CNIH3: variants seen among roughly 807,000 people sequenced by gnomAD.
CNIH3 encodes the protein protein cornichon homolog 3.
In CNIH3, 14 loss-of-function variants were observed where a neutral mutation model predicts 24.1. The ratio of observed to expected loss-of-function variants is 0.58; its 90% CI spans 0.38 to 0.91. CNIH3 has a LOEUF of 0.91. Among genes scored for constraint, CNIH3 ranks in the 40% least tolerant of loss-of-function variants. The pLI is 0.00. For synonymous variants in CNIH3, 68 were observed against 73.8 expected, an observed-to-expected ratio of 0.92 and a Z score of 0.40; for missense variants, 178 against 196.8, an observed-to-expected ratio of 0.90 and a Z score of 0.57.
chr1:224,545,086 G>T (rs1352879928), intron 2 of CNIH3, among the ~76,000 whole-genome samples: 2 of 152,196 alleles, frequency 1.3e-5, no homozygotes, highest in African/African-American at 4.8e-5. Context: ...AAAGCCATTG[G>T]CACTTTCTTC....
At chr1:224,472,558 T>C (rs950578226) in intron 1 of CNIH3, among the ~76,000 whole-genome samples, 3 of 152,168 alleles carry the variant, frequency 2.0e-5, no homozygotes, top group African/African-American at 4.8e-5. Flanking sequence ...ACATTATATA[T>C]TCTTACTAAT....
chr1:224,643,677 G>A (rs935490484), intron 1 of CNIH3, among the ~76,000 whole-genome samples: 1 of 152,146 alleles, frequency 6.6e-6, no homozygotes, highest in Non-Finnish European at 1.5e-5. Context: ...GAGAATAATG[G>A]GATTTATTGG....
At chr1:224,434,746 C>G in exon 1 of CNIH3, 1 of 987,012 alleles carries the variant, frequency 1.0e-6, no homozygotes, top group Non-Finnish European at 1.2e-6. Flanking sequence ...TCCTCGGATC[C>G]GCTCCGCTCT....
intron 1 of CNIH3, among the ~76,000 whole-genome samples, chr1:224,477,337 A>G (rs1314304808): frequency 1.3e-5 from 2 of 152,256 alleles, no homozygotes; most frequent in East Asian, 3.8e-4. Flanking sequence ...CGTATCCACC[A>G]TCTTAATCTC....
chr1:224,613,079 C>T (rs1682774617), upstream of CNIH3, among the ~76,000 whole-genome samples: 1 of 152,188 alleles, frequency 6.6e-6, no homozygotes, highest in Non-Finnish European at 1.5e-5. Context: ...GCTCACTGTG[C>T]CTTGACCTCT....
At chr1:224,581,330 TA>T (rs1178322339) in intron 4 of CNIH3, among the ~76,000 whole-genome samples, 2 of 152,140 alleles carry the variant, frequency 1.3e-5, no homozygotes, top group Non-Finnish European at 2.9e-5. Flanking sequence ...TTTCTTGAAG[TA>T]AAAAAGGCAT....
intron 1 of CNIH3, among the ~76,000 whole-genome samples, chr1:224,680,212 C>T (rs1327172704): frequency 6.6e-6 from 1 of 152,218 alleles, no homozygotes; most frequent in Non-Finnish European, 1.5e-5. Flanking sequence ...CCTTCTGTAG[C>T]AGACAAGGTA....
Position 224,484,293 on chromosome 1 carries a change from G to A in CNIH3, n.204-31448G>A, listed in dbSNP as rs1043745598. Among the ~76,000 whole-genome samples, 8 of 152,094 alleles carry A rather than the reference G, an allele frequency of 5.3e-5. No individual in the cohort carries two copies. In the East Asian group the frequency reaches 1.4e-3, roughly 26 times the overall value. ...AAAATACAAAAAATTAGCCGGGCGC[G>A]GTAGTGGGCACCTGTAGTCCCAGCT... On this transcript the variant is annotated intron_variant and non_coding_transcript_variant, in intron 1 of 5. Coordinates refer to the CNIH3 transcript ENST00000471578.
Position 224,676,366 on chromosome 1 carries a change from G to A in CNIH3, c.82-4592G>A, listed in dbSNP as rs58793647. ...GGGACGGGGTGAGACATGGCGGGGGGGTGTTGCAGGAGGGAATTTTGGGGT... is the reference window on the plus strand; with the variant it reads ...GGGACGGGGTGAGACATGGCGGGGGAGTGTTGCAGGAGGGAATTTTGGGGT... On this transcript the variant is annotated intron_variant, in intron 1 of 5. Transcript: ENST00000272133. 2.8e-3 allele frequency among the ~76,000 whole-genome samples: 428 copies of A among 152,158 alleles called. 8 individuals carry two copies. The East Asian group carries it at 0.03, about 11-fold the overall frequency.
At chr1:224,598,141 G>A (rs1054804551) in intron 3 of CNIH3, among the ~76,000 whole-genome samples, 11 of 152,198 alleles carry the variant, frequency 7.2e-5, no homozygotes, top group African/African-American at 2.4e-4. Flanking sequence ...TGAGGAGGCC[G>A]AAATATCCAC....
chr1:224,618,333 C>G (rs1318372125), intron 1 of CNIH3, among the ~76,000 whole-genome samples: 1 of 152,234 alleles, frequency 6.6e-6, no homozygotes, highest in African/African-American at 2.4e-5. Context: ...CTTGCCCTGC[C>G]CAGCGTCTAG....
intron 1 of CNIH3, among the ~76,000 whole-genome samples, chr1:224,624,340 TG>T (rs1400676657): frequency 6.6e-6 from 1 of 152,216 alleles, no homozygotes; most frequent in African/African-American, 2.4e-5. Flanking sequence ...TTCTTCTTTC[TG>T]TACCTTCCTC....
At chr1:224,503,183 C>T (rs564712158) in intron 1 of CNIH3, among the ~76,000 whole-genome samples, 1 of 152,278 alleles carries the variant, frequency 6.6e-6, no homozygotes, top group Admixed American at 6.5e-5. Flanking sequence ...CTATTTAGAA[C>T]ACAATGTACT....
intron 1 of CNIH3, among the ~76,000 whole-genome samples, chr1:224,675,098 T>C (rs1686074599): frequency 6.6e-6 from 1 of 152,136 alleles, no homozygotes; most frequent in South Asian, 2.1e-4. Flanking sequence ...ACATTTTCTG[T>C]GATCACTTAA....
chr1:224,667,528 G>C lies in CNIH3; in HGVS notation c.82-13430G>C, dbSNP rs551876789. Reference sequence around the variant, plus strand: ...AGCATCTAAGCGACAATGAACGGAAGAGGAAACCCCAAAGGCTAACGCTTT... The same window carrying C: ...AGCATCTAAGCGACAATGAACGGAACAGGAAACCCCAAAGGCTAACGCTTT... On this transcript the variant is annotated intron_variant, in intron 1 of 5. Coordinates refer to ENST00000272133, the MANE Select transcript of CNIH3 (RefSeq NM_152495.2). Among the ~76,000 whole-genome samples, 3 of 152,320 alleles carry C rather than the reference G, an allele frequency of 2.0e-5. No individual in the cohort carries two copies. In the South Asian group the frequency reaches 6.2e-4, roughly 32 times the overall value.
At chr1:224,593,196 C>G (rs773634799), downstream of CNIH3, among the ~76,000 whole-genome samples, 1 of 148,682 alleles carries the variant, frequency 6.7e-6, no homozygotes, top group Non-Finnish European at 1.5e-5. Context: ...CACTCTGTTG[C>G]CTAGGCTGGA....
intron 1 of CNIH3, among the ~76,000 whole-genome samples, chr1:224,466,231 G>A (rs771337034): frequency 3.9e-5 from 6 of 152,126 alleles, no homozygotes; most frequent in Non-Finnish European, 8.8e-5. Flanking sequence ...CCTCCCTGAT[G>A]CTTTTATAGT....
chr1:224,523,354 AC>A (rs1395245416), intron 2 of CNIH3, among the ~76,000 whole-genome samples: 1 of 152,234 alleles, frequency 6.6e-6, no homozygotes, highest in African/African-American at 2.4e-5. Flanking sequence ...TGCAATGAAC[AC>A]TTTGTAAATA....
At chr1:224,577,576 G>C (rs2125009458) in intron 4 of CNIH3, among the ~76,000 whole-genome samples, 1 of 152,286 alleles carries the variant, frequency 6.6e-6, no homozygotes, top group East Asian at 1.9e-4. Context: ...TATTGGCATG[G>C]ATGTGGTGAA....
Sources: gnomAD v4.1 joint callset for allele counts (sites outside exome capture counted in the v4.1 genomes callset) on GRCh38, gnomAD v4.1.1 for gene constraint, MANE v1.5 for transcripts, NCBI Gene and HGNC (gene_info 2026-07-23, HGNC 2026-07-21) for gene names.